LRRC4C: variants seen among roughly 807,000 people sequenced by gnomAD.
The protein encoded by LRRC4C is leucine rich repeat containing 4C, also known as leucine-rich repeat-containing protein 4C.
A neutral mutation model predicts 33.6 loss-of-function variants in LRRC4C; 5 were observed. The observed-to-expected ratio is 0.15, with a 90% confidence interval of 0.08 to 0.31. The LOEUF is 0.31. Ranked by LOEUF, LRRC4C falls within the 10% of genes least tolerant of loss-of-function variation. The pLI is 1.00. For synonymous variants in LRRC4C, 329 were observed against 302.0 expected (o/e 1.09, Z -0.93); for missense variants, 560 against 796.7 (o/e 0.70, Z 3.58).
At chr11:41,122,948 T>C (rs1467540442) in intron 1 of LRRC4C, 1 of 152,188 alleles carries the variant, frequency 6.6e-6, no homozygotes, top group Non-Finnish European at 1.5e-5. Context: ...GTCATCCTTG[T>C]ATGGTGGTCA....
chr11:40,978,361 C>T lies in LRRC4C; in HGVS notation c.-495-44638G>A, dbSNP rs114925123. ...GCACCTAACTTTGATTCATTCTTGACCCTACTCTCTGGTTCTTAACTGGAA... is the reference window on the plus strand; with the variant it reads ...GCACCTAACTTTGATTCATTCTTGATCCTACTCTCTGGTTCTTAACTGGAA... On this transcript the variant is annotated intron_variant, in intron 1 of 6. Coordinates refer to ENST00000528697, the MANE Select transcript of LRRC4C (RefSeq NM_001258419.2). Among the ~76,000 whole-genome samples the T allele has an allele frequency of 6.6e-3, 1,004 of 152,290 alleles. 9 individuals are homozygous for T. Among genetic ancestry groups the T allele is most frequent in the African/African-American group, 0.022 (915 of 41,568 alleles).
At chr11:40,948,802 A>G (rs1178281406) in intron 1 of LRRC4C, among the ~76,000 whole-genome samples, 6 of 151,110 alleles carry the variant, frequency 4.0e-5, no homozygotes, top group Admixed American at 6.6e-5. Context: ...AGTCTTTGCT[A>G]TTGTGAATAG....
Position 40,525,381 on chromosome 11 carries a change from G to C in LRRC4C, c.-270+122761C>G, listed in dbSNP as rs532673741. 1.8e-4 allele frequency among the ~76,000 whole-genome samples: 27 copies of C among 152,212 alleles called. No individual in the cohort carries two copies. The South Asian group carries it at 5.2e-3, about 29-fold the overall frequency. On this transcript the variant is annotated intron_variant, in intron 3 of 6. Transcript: ENST00000528697. ...GAATCGCTTGAACCCAGGAGGCAGA[G>C]GTTGCAGTGAGCCAAGATTGCACCA...
At position 41,212,910 on chromosome 11, in the gene LRRC4C, C is replaced by G. The variant is rs531569834; in HGVS notation, c.-496+246521G>C. Among the ~76,000 whole-genome samples, 239 of 152,258 alleles carry G rather than the reference C, an allele frequency of 1.6e-3. 6 individuals are homozygous for G. The highest frequency in any genetic ancestry group is 0.014 in the Middle Eastern group (4 of 294). On this transcript the variant is annotated intron_variant, in intron 1 of 6. Transcript: ENST00000528697. ...GTACCTAACACATTGAAACACATGG[C>G]TAAGGTAAATCGTAAAGGCTTTAAA...
chr11:41,295,468 G>A (rs1950112690), intron 1 of LRRC4C, among the ~76,000 whole-genome samples: 1 of 152,158 alleles, frequency 6.6e-6, no homozygotes, highest in Non-Finnish European at 1.5e-5. Flanking sequence ...TGTGTTAGTT[G>A]TGGGGTTTTA....
intron 2 of LRRC4C, among the ~76,000 whole-genome samples, chr11:40,827,458 C>A (rs958914527): frequency 4.0e-5 from 6 of 151,670 alleles, no homozygotes; most frequent in Non-Finnish European, 8.8e-5. Context: ...TCCTCTTGAG[C>A]CTAAAGCCAA....
intron 2 of LRRC4C, among the ~76,000 whole-genome samples, chr11:40,686,737 A>C (rs1340627037): frequency 6.6e-6 from 1 of 152,118 alleles, no homozygotes; most frequent in Non-Finnish European, 1.5e-5. Context: ...TAATTATATT[A>C]AGAGTTTGAG....
At chr11:40,348,906 T>C (rs1282931964) in intron 3 of LRRC4C, among the ~76,000 whole-genome samples, 1 of 152,246 alleles carries the variant, frequency 6.6e-6, no homozygotes, top group Non-Finnish European at 1.5e-5. Flanking sequence ...CTAAGATTTA[T>C]TGACTACTTA....
At chr11:40,672,549 TG>T (rs1944180340) in intron 2 of LRRC4C, among the ~76,000 whole-genome samples, 1 of 152,224 alleles carries the variant, frequency 6.6e-6, no homozygotes, top group Non-Finnish European at 1.5e-5. Context: ...GATTTTGCTG[TG>T]TCATTCTGGT....
At chr11:41,229,823 G>T (rs889107526) in intron 1 of LRRC4C, among the ~76,000 whole-genome samples, 1 of 152,036 alleles carries the variant, frequency 6.6e-6, no homozygotes, top group African/African-American at 2.4e-5. Context: ...TGATAACTCT[G>T]ATGTTTTGTG....
chr11:40,976,375 G>T (rs988566544), intron 1 of LRRC4C, among the ~76,000 whole-genome samples: 7 of 152,126 alleles, frequency 4.6e-5, no homozygotes, highest in African/African-American at 1.7e-4. Context: ...ATAAGCAAGG[G>T]TTCTGAAGAA....
At chr11:41,009,082 G>A (rs997323838) in intron 1 of LRRC4C, among the ~76,000 whole-genome samples, 1 of 152,034 alleles carries the variant, frequency 6.6e-6, no homozygotes, top group Non-Finnish European at 1.5e-5. Flanking sequence ...TAGCCAAATA[G>A]CAAGAGAAGA....
intron 2 of LRRC4C, among the ~76,000 whole-genome samples, chr11:40,833,404 A>C (rs1305456196): frequency 6.6e-6 from 1 of 152,156 alleles, no homozygotes; most frequent in Non-Finnish European, 1.5e-5. Flanking sequence ...TTTCAAGTAT[A>C]TATTTTATTT....
intron 2 of LRRC4C, among the ~76,000 whole-genome samples, chr11:40,912,768 C>A (rs1381577565): frequency 1.3e-5 from 2 of 152,038 alleles, no homozygotes; most frequent in Non-Finnish European, 2.9e-5. Flanking sequence ...GATAAAGAGT[C>A]AAGACCCATC....
At chr11:40,552,703 C>T (rs1021479892) in intron 3 of LRRC4C, among the ~76,000 whole-genome samples, 1 of 152,060 alleles carries the variant, frequency 6.6e-6, no homozygotes, top group Non-Finnish European at 1.5e-5. Context: ...ACCTATAATC[C>T]TAAATAATGG....
intron 6 of LRRC4C, among the ~76,000 whole-genome samples, chr11:40,121,330 T>A (rs1219955229): frequency 1.3e-5 from 2 of 152,240 alleles, no homozygotes; most frequent in African/African-American, 2.4e-5. Context: ...AGTAATACTT[T>A]AAGAATTATA....
At chr11:41,295,674 C>A (rs909722747) in intron 1 of LRRC4C, among the ~76,000 whole-genome samples, 3 of 151,878 alleles carry the variant, frequency 2.0e-5, no homozygotes, top group Non-Finnish European at 2.9e-5. Context: ...GACTTTCAAG[C>A]CTTCACAGAT....
chr11:40,206,104 A>G (rs1446035861), intron 5 of LRRC4C, among the ~76,000 whole-genome samples: 1 of 152,206 alleles, frequency 6.6e-6, no homozygotes, highest in Non-Finnish European at 1.5e-5. Context: ...ATTAGCCTAT[A>G]ATAAGCAGTA....
chr11:41,192,984 A>T (rs1424886224), intron 1 of LRRC4C, among the ~76,000 whole-genome samples: 2 of 152,102 alleles, frequency 1.3e-5, no homozygotes, highest in Non-Finnish European at 2.9e-5. Context: ...CTGGAAAAAA[A>T]TGCCACAAAG....
Sources: allele counts gnomAD v4.1 joint callset (sites outside exome capture counted in the v4.1 genomes callset), GRCh38; gene constraint gnomAD v4.1.1; transcripts MANE v1.5; gene names NCBI Gene and HGNC (gene_info 2026-07-23, HGNC 2026-07-21).